CYYR1: variants seen among roughly 807,000 people sequenced by gnomAD.
CYYR1 encodes the protein cysteine and tyrosine-rich protein 1.
A neutral mutation model predicts 15.2 loss-of-function variants in CYYR1; 14 were observed. The ratio of observed to expected loss-of-function variants is 0.92; its 90% confidence interval spans 0.61 to 1.44. CYYR1 has a LOEUF of 1.44. Ranked by LOEUF, CYYR1 falls within the 40% of genes most tolerant of loss-of-function variation. CYYR1 has a pLI of 0.00. For missense variants in CYYR1, 228 were observed against 209.5 expected (o/e 1.09, Z -0.54); for synonymous variants, 80 against 77.4 (o/e 1.03, Z -0.18).
chr21:26,545,564 A>ATTT (rs1555910241), intron 2 of CYYR1, among the ~76,000 whole-genome samples: 2 of 73,860 alleles, frequency 2.7e-5, no homozygotes, highest in Non-Finnish European at 5.8e-5. Flanking sequence ...TAAGATGCTT[A>ATTT]TTCTTTTTTT....
intron 2 of CYYR1, among the ~76,000 whole-genome samples, chr21:26,565,149 A>C (rs1324519668): frequency 6.6e-6 from 1 of 152,206 alleles, no homozygotes; most frequent in East Asian, 1.9e-4. Context: ...GTTCAAGAGT[A>C]TCCCAAAGTA....
At chr21:26,477,988 T>A (rs1217980022) in intron 3 of CYYR1, 2 of 1,512,604 alleles carry the variant, frequency 1.3e-6, no homozygotes, top group African/African-American at 2.8e-5. Flanking sequence ...CCTAGGGTAT[T>A]GATATATGAT....
intron 2 of CYYR1, among the ~76,000 whole-genome samples, chr21:26,537,391 G>A (rs903128324): frequency 6.6e-6 from 1 of 152,158 alleles, no homozygotes; most frequent in Non-Finnish European, 1.5e-5. Context: ...AGATGGTGGA[G>A]AGTCTGGCTT....
chr21:26,500,587 A>G (rs222159), intron 2 of CYYR1, among the ~76,000 whole-genome samples: 43,642 of 152,138 alleles, frequency 0.29, 6,690 homozygotes, highest in Non-Finnish European at 0.34. Context: ...GGCTTAGGAC[A>G]GTACTTATCA....
At chr21:26,506,427 C>CA (rs1373122292) in intron 2 of CYYR1, 2 of 152,106 alleles carry the variant, frequency 1.3e-5, no homozygotes, top group African/African-American at 4.8e-5. Flanking sequence ...TTTTGACTGT[C>CA]ATTGTATTGT....
chr21:26,515,610 T>C (rs989149628), intron 2 of CYYR1, among the ~76,000 whole-genome samples: 21 of 152,254 alleles, frequency 1.4e-4, no homozygotes, highest in African/African-American at 5.1e-4. Flanking sequence ...GATCCACCCA[T>C]GTCAGCCTCC....
Position 26,573,040 on chromosome 21 carries a change from G to A in CYYR1, c.-100C>T, listed in dbSNP as rs1569184186. On this transcript the variant is annotated 5_prime_UTR_variant, in exon 1 of 4. Transcript: ENST00000652641. ...CAGATGGAGAGAGCAGCGCTCCTGAGAGCCGGGTGGAGCAGAGACCCGGCC... is the reference window on the plus strand; with the variant it reads ...CAGATGGAGAGAGCAGCGCTCCTGAAAGCCGGGTGGAGCAGAGACCCGGCC... 1 of 1,594,826 alleles carries A rather than the reference G, an allele frequency of 6.3e-7. No homozygotes were observed. Among genetic ancestry groups the A allele is most frequent in the Admixed American group, 1.8e-5 (1 of 56,978 alleles).
At chr21:26,519,342 G>T (rs569011218) in intron 2 of CYYR1, among the ~76,000 whole-genome samples, 1 of 152,274 alleles carries the variant, frequency 6.6e-6, no homozygotes, top group South Asian at 2.1e-4. Flanking sequence ...GGATGTAGAA[G>T]AACTGGGAAA....
At chr21:26,556,845 G>A (rs143391393) in intron 2 of CYYR1, among the ~76,000 whole-genome samples, 1 of 152,136 alleles carries the variant, frequency 6.6e-6, no homozygotes, top group Non-Finnish European at 1.5e-5. Flanking sequence ...AAATAGAGAA[G>A]GGATAATGCT....
chr21:26,517,037 C>T (rs887741524), intron 2 of CYYR1, among the ~76,000 whole-genome samples: 1 of 139,200 alleles, frequency 7.2e-6, no homozygotes, highest in African/African-American at 2.8e-5. Context: ...ATGGCGTGAA[C>T]CCGGGAGGCG....
intron 1 of CYYR1, chr21:26,568,809 C>T (rs1270841290): frequency 6.6e-6 from 1 of 152,160 alleles, no homozygotes; most frequent in African/African-American, 2.4e-5. Flanking sequence ...ATCAACCAGA[C>T]ACTTCTCAAA....
chr21:26,538,362 A>G (rs1393460045), intron 2 of CYYR1, among the ~76,000 whole-genome samples: 1 of 152,184 alleles, frequency 6.6e-6, no homozygotes, highest in East Asian at 1.9e-4. Flanking sequence ...TTTTCCAATT[A>G]TCTGTTGATT....
intron 2 of CYYR1, among the ~76,000 whole-genome samples, chr21:26,513,880 C>T (rs1279100277): frequency 1.6e-5 from 2 of 127,792 alleles, no homozygotes; most frequent in Admixed American, 2.2e-4. Context: ...CACATGGACA[C>T]AGGAAGGGGA....
chr21:26,517,089 T>C (rs1479996207), intron 2 of CYYR1, among the ~76,000 whole-genome samples: 1 of 108,682 alleles, frequency 9.2e-6, no homozygotes, highest in Non-Finnish European at 1.7e-5. Context: ...CACTCCAGCC[T>C]GGGCGACAGA....
intron 1 of CYYR1, 37 bp from the exon 2 acceptor site, chr21:26,566,405 G>T: frequency 6.7e-7 from 1 of 1,496,378 alleles, no homozygotes; most frequent in Non-Finnish European, 9.3e-7. Flanking sequence ...AGTTATAGTT[G>T]TAAAATCACA....
intron 2 of CYYR1, among the ~76,000 whole-genome samples, chr21:26,498,661 T>C (rs1158084992): frequency 6.6e-6 from 1 of 152,200 alleles, no homozygotes; most frequent in Non-Finnish European, 1.5e-5. Context: ...CATGTTACTA[T>C]ATGGACATAT....
At chr21:26,489,717 A>G (rs919412597) in intron 2 of CYYR1, among the ~76,000 whole-genome samples, 30 of 152,160 alleles carry the variant, frequency 2.0e-4, no homozygotes, top group Non-Finnish European at 3.5e-4. Context: ...TCATAGTTAC[A>G]GAAGTTTCTA....
At chr21:26,495,346 G>A (rs929667401) in intron 2 of CYYR1, among the ~76,000 whole-genome samples, 20 of 152,158 alleles carry the variant, frequency 1.3e-4, no homozygotes, top group African/African-American at 3.4e-4. Flanking sequence ...GTTAGGGCTT[G>A]CCAAATATCT....
chr21:26,517,525 T>C (rs1353662572), intron 2 of CYYR1, among the ~76,000 whole-genome samples: 1 of 152,134 alleles, frequency 6.6e-6, no homozygotes, highest in African/African-American at 2.4e-5. Context: ...CTTCCTGGAA[T>C]GGGGAGGAGA....
Sources: allele counts gnomAD v4.1 joint callset (sites outside exome capture counted in the v4.1 genomes callset), GRCh38; gene constraint gnomAD v4.1.1; transcripts MANE v1.5; gene names NCBI Gene and HGNC (gene_info 2026-07-23, HGNC 2026-07-21).